The following BCR variants were observed in gnomAD, a reference collection of about 807,000 sequenced individuals.
The protein encoded by BCR is breakpoint cluster region protein.
A neutral mutation model predicts 138.6 loss-of-function variants in BCR; 58 were observed. The observed-to-expected ratio is 0.42, with a 90% confidence interval of 0.34 to 0.52. BCR has a LOEUF of 0.52. Among genes scored for constraint, BCR ranks in the 20% least tolerant of loss-of-function variants. The pLI is 0.06. For synonymous variants in BCR, 786 were observed against 730.1 expected, an observed-to-expected ratio of 1.08 and a Z score of -1.23; for missense variants, 1,599 against 1,727.2, an observed-to-expected ratio of 0.93 and a Z score of 1.32.
rs1168984349 is a variant in BCR, at chr22:23,287,167, C to A, written c.2415C>A (p.Asn805Lys). 2.5e-6 allele frequency: 4 copies of A among 1,577,862 alleles called. No homozygotes were observed. Among genetic ancestry groups the A allele is most frequent in the Non-Finnish European group, 3.4e-6 (4 of 1,161,078 alleles). Residue 805 changes from asparagine (N) to lysine (K), a missense_variant, in exon 11 of 23, where the codon AAC (asparagine) becomes AAA (lysine). Asn to Lys is a moderately conservative substitution (Grantham distance 94, BLOSUM62 0). Around this residue, in one of 4 missense-constraint regions of BCR, gnomAD observed 590 missense variants for 762.4 expected, o/e 0.77. Transcript: ENST00000305877. ...KNDIQREKRANKGSKATERLK... is the reference protein window; with the variant it reads ...KNDIQREKRAKKGSKATERLK... ...GTGGCATCTCCCCACAGAGGGCGAA[C>A]AAGGGCAGCAAGGCTACGGAGAGGC...
chr22:23,299,694 T>TTATATATATA lies in BCR; in HGVS notation c.3012+4554_3012+4563dup, dbSNP rs10532946. ...ATACATTGTTTAATGGATCTAGAGTTTATATATATATATATATATATATAG... is the reference window on the plus strand; with the variant it reads ...ATACATTGTTTAATGGATCTAGAGTTTATATATATATATATATATATATATATATATATAG... On this transcript the variant is annotated intron_variant, in intron 16 of 22. Transcript: ENST00000305877. 9.6e-5 allele frequency among the ~76,000 whole-genome samples: 14 copies of TTATATATATA among 145,926 alleles called. No homozygotes were observed. The East Asian group carries it at 2.0e-3, about 21-fold the overall frequency.
At chr22:23,285,648 C>T (rs1234360796) in intron 10 of BCR, among the ~76,000 whole-genome samples, 1 of 152,154 alleles carries the variant, frequency 6.6e-6, no homozygotes, top group East Asian at 1.9e-4. Context: ...TCACTGGCAT[C>T]CCCGGGGAAA....
At chr22:23,281,634 G>A (rs1028162794) in intron 8 of BCR, among the ~76,000 whole-genome samples, 1 of 151,922 alleles carries the variant, frequency 6.6e-6, no homozygotes, top group Non-Finnish European at 1.5e-5. Context: ...ATGCTGGGCT[G>A]CCTGTGGCTT....
chr22:23,188,229 C>G (rs2072372033), intron 1 of BCR, among the ~76,000 whole-genome samples: 1 of 152,164 alleles, frequency 6.6e-6, no homozygotes, highest in Non-Finnish European at 1.5e-5. Flanking sequence ...GAGTCTAGAT[C>G]AAATTTTACA....
At chr22:23,298,245 A>T (rs924427982) in intron 16 of BCR, among the ~76,000 whole-genome samples, 1 of 152,174 alleles carries the variant, frequency 6.6e-6, no homozygotes, top group Non-Finnish European at 1.5e-5. Flanking sequence ...CTTGCTGAAG[A>T]CAGGCCAAAG....
intron 2 of BCR, among the ~76,000 whole-genome samples, chr22:23,255,775 C>G (rs573607511): frequency 1.3e-4 from 20 of 152,318 alleles, no homozygotes; most frequent in Admixed American, 1.0e-3. Context: ...TCCTGGTCCC[C>G]CGACCCCTGC....
intron 16 of BCR, among the ~76,000 whole-genome samples, chr22:23,299,936 C>T (rs1263210630): frequency 6.6e-6 from 1 of 152,132 alleles, no homozygotes; most frequent in Non-Finnish European, 1.5e-5. Flanking sequence ...TTTGGACTCC[C>T]ACGTGCATCC....
intron 4 of BCR, among the ~76,000 whole-genome samples, chr22:23,267,694 G>T (rs1247244285): frequency 6.6e-6 from 1 of 152,208 alleles, no homozygotes; most frequent in South Asian, 2.1e-4. Context: ...GTGTTGTGGG[G>T]CCCAGAGATG....
At chr22:23,189,396 C>T (rs2072386654) in intron 1 of BCR, among the ~76,000 whole-genome samples, 2 of 152,122 alleles carry the variant, frequency 1.3e-5, no homozygotes, top group African/African-American at 2.4e-5. Context: ...CTAGATGCCT[C>T]GTGTAAGTGG....
At chr22:23,203,706 C>T (rs1284818782) in intron 1 of BCR, among the ~76,000 whole-genome samples, 1 of 152,200 alleles carries the variant, frequency 6.6e-6, no homozygotes, top group Non-Finnish European at 1.5e-5. Flanking sequence ...AAAGAACTTA[C>T]TGTCCCCTTG....
At chr22:23,187,171 C>G (rs1270026064) in intron 1 of BCR, among the ~76,000 whole-genome samples, 1 of 151,874 alleles carries the variant, frequency 6.6e-6, no homozygotes, top group Non-Finnish European at 1.5e-5. Flanking sequence ...GGACTGGGGA[C>G]TTTTACTGAT....
chr22:23,201,697 C>A (rs759661073), intron 1 of BCR, among the ~76,000 whole-genome samples: 1 of 152,136 alleles, frequency 6.6e-6, no homozygotes, highest in African/African-American at 2.4e-5. Flanking sequence ...CCTTGTGATC[C>A]GCCCTCCTCG....
In BCR at chr22:23,289,555, A is replaced by G. The variant is rs2073759159; in HGVS notation, c.2641A>G (p.Met881Val). 6.2e-7 allele frequency: 1 copy of G among 1,614,234 alleles called. No homozygotes were observed. Among genetic ancestry groups the G allele is most frequent in the Admixed American group, 1.7e-5 (1 of 60,028 alleles). The change falls in exon 13 of 23, where the codon ATG becomes GTG. Residue 881 changes from methionine (M) to valine (V), a missense_variant. By Grantham distance (21) the Met-to-Val change is conservative. Transcript: ENST00000305877. ...CTCCCTGACATCCGTGGAGCTGCAGATGCTGACCAACTCGTGTGTGAAACT... is the reference window on the plus strand; with the variant it reads ...CTCCCTGACATCCGTGGAGCTGCAGGTGCTGACCAACTCGTGTGTGAAACT... ...SFSLTSVELQ[M>V]LTNSCVKLQT... is the part of the protein sequence containing the mutation.
intron 19 of BCR, 26 bp downstream of exon 19, chr22:23,311,862 G>T (rs2074011669): frequency 6.2e-7 from 1 of 1,610,320 alleles, no homozygotes; most frequent in Admixed American, 1.7e-5. Flanking sequence ...CGCAGGACGG[G>T]ATGGAGGTGT....
At chr22:23,263,244 A>T (rs1057023387) in intron 4 of BCR, 1 of 1,050,566 alleles carries the variant, frequency 9.5e-7, no homozygotes, top group Non-Finnish European at 1.4e-6. Flanking sequence ...GCTGCTGCAC[A>T]TGTGCTCCTA....
At chr22:23,313,870 C>A in intron 20 of BCR, 98 bp from the exon 21 acceptor site, 2 of 951,262 alleles carry the variant, frequency 2.1e-6, no homozygotes, top group Non-Finnish European at 3.4e-6. Flanking sequence ...CGAGCCTGGG[C>A]TGTGCAGGGA....
At chr22:23,260,758 T>C (rs2073347317) in intron 2 of BCR, 192 bp from the exon 3 acceptor site, 1 of 574,792 alleles carries the variant, frequency 1.7e-6, no homozygotes, top group Non-Finnish European at 3.1e-6. Context: ...TCCCCGGGAT[T>C]CTCAGTGACT....
intron 1 of BCR, among the ~76,000 whole-genome samples, chr22:23,215,671 CAGTGATGAAGGCAG>C (rs1416507754): frequency 1.3e-5 from 2 of 152,294 alleles, no homozygotes; most frequent in Admixed American, 1.3e-4. Context: ...TTGGAACAGT[CAGTGATGAAGGCAG>C]AGTGGCGGTA....
At chr22:23,311,963 A>G (rs1209770765) in intron 19 of BCR, 127 bp downstream of exon 19, 12 of 1,448,322 alleles carry the variant, frequency 8.3e-6, no homozygotes, top group Middle Eastern at 5.2e-4. Context: ...TTACTGTGTT[A>G]TTATTTTTAA....
Sources: allele counts gnomAD v4.1 joint callset (sites outside exome capture counted in the v4.1 genomes callset), GRCh38; gene constraint gnomAD v4.1.1; regional missense constraint gnomAD v4.1.1; transcripts MANE v1.5; gene names NCBI Gene and HGNC (gene_info 2026-07-23, HGNC 2026-07-21).